The following CADPS variants were observed in gnomAD, a reference collection of about 807,000 sequenced individuals.
CADPS encodes calcium dependent secretion activator, also known as calcium-dependent secretion activator 1.
A neutral mutation model predicts 167.3 loss-of-function variants in CADPS; 57 were observed. That is an observed-to-expected ratio of 0.34 (90% confidence interval 0.28 to 0.42). The LOEUF (loss-of-function observed/expected upper bound fraction) is 0.42, where lower values mean the gene tolerates loss of function less well. Among genes scored for constraint, CADPS ranks in the 20% least tolerant of loss-of-function variants. The pLI, the probability that CADPS is intolerant of heterozygous loss-of-function variation, is 1.00. For synonymous variants in CADPS, 676 were observed against 635.3 expected, an observed-to-expected ratio of 1.06 and a Z score of -0.96; for missense variants, 1,414 against 1,738.1, an observed-to-expected ratio of 0.81 and a Z score of 3.32.
intron 1 of CADPS, among the ~76,000 whole-genome samples, chr3:62,830,047 T>A (rs539901930): frequency 6.6e-6 from 1 of 152,266 alleles, no homozygotes; most frequent in East Asian, 1.9e-4. Context: ...CAGTGGGTGA[T>A]TGGTTTCCAC....
At chr3:62,555,952 C>G (rs1156236134) in intron 10 of CADPS, among the ~76,000 whole-genome samples, 2 of 152,088 alleles carry the variant, frequency 1.3e-5, no homozygotes, top group African/African-American at 4.8e-5. Context: ...TGATGTCTGG[C>G]TTTGTTGCCC....
intron 6 of CADPS, among the ~76,000 whole-genome samples, chr3:62,618,284 G>A (rs1309982246): frequency 2.6e-5 from 4 of 152,022 alleles, no homozygotes; most frequent in Admixed American, 6.6e-5. Flanking sequence ...TAATGTCATC[G>A]TTTGAGCATC....
chr3:62,650,645 T>C (rs1432593882), intron 5 of CADPS, among the ~76,000 whole-genome samples: 1 of 152,226 alleles, frequency 6.6e-6, no homozygotes, highest in African/African-American at 2.4e-5. Context: ...TAGGTGGTTT[T>C]CAGATTGCAT....
At chr3:62,652,510 A>T (rs1452708577) in intron 4 of CADPS, among the ~76,000 whole-genome samples, 1 of 152,142 alleles carries the variant, frequency 6.6e-6, no homozygotes, top group African/African-American at 2.4e-5. Context: ...TACTCTGTCA[A>T]GCAGTTGAAC....
At chr3:62,599,697 T>C (rs2059480199) in intron 6 of CADPS, among the ~76,000 whole-genome samples, 1 of 47,734 alleles carries the variant, frequency 2.1e-5, no homozygotes, top group Non-Finnish European at 3.5e-5. Context: ...AATATTATAA[T>C]ATATATATTA....
chr3:62,519,994 A>G (rs536844362), intron 13 of CADPS, among the ~76,000 whole-genome samples: 2 of 152,330 alleles, frequency 1.3e-5, no homozygotes, highest in South Asian at 4.1e-4. Flanking sequence ...TTGTTTATGT[A>G]ATCAGCATGT....
intron 1 of CADPS, among the ~76,000 whole-genome samples, chr3:62,769,173 A>C (rs1236804723): frequency 6.6e-6 from 1 of 152,168 alleles, no homozygotes; most frequent in Non-Finnish European, 1.5e-5. Flanking sequence ...TGCAGAACTT[A>C]GCACAGGATG....
At chr3:62,437,645 G>A (rs1423519970) in intron 28 of CADPS, among the ~76,000 whole-genome samples, 3 of 152,132 alleles carry the variant, frequency 2.0e-5, no homozygotes, top group African/African-American at 7.2e-5. Context: ...AATTATCTTT[G>A]AAGTGATAAC....
At chr3:62,527,260 T>C (rs1352805684) in intron 13 of CADPS, among the ~76,000 whole-genome samples, 1 of 152,106 alleles carries the variant, frequency 6.6e-6, no homozygotes, top group Admixed American at 6.6e-5. Context: ...GGGAGTTTGG[T>C]TTAAAACAGG....
intron 18 of CADPS, 80 bp from the exon 19 acceptor site, chr3:62,493,745 G>T: frequency 8.7e-7 from 1 of 1,155,252 alleles, no homozygotes; most frequent in Non-Finnish European, 1.3e-6. Flanking sequence ...GACACCTGCT[G>T]TTTCCATTTT....
intron 8 of CADPS, among the ~76,000 whole-genome samples, chr3:62,579,793 G>C (rs557352791): frequency 6.9e-5 from 10 of 145,904 alleles, no homozygotes; most frequent in Non-Finnish European, 1.5e-4. Context: ...CATTCGAGTG[G>C]CAGGATCTGA....
chr3:62,680,763 T>C (rs1184862955), intron 3 of CADPS, among the ~76,000 whole-genome samples: 1 of 152,038 alleles, frequency 6.6e-6, no homozygotes, highest in Non-Finnish European at 1.5e-5. Flanking sequence ...AAAATGAAAG[T>C]ACCACCCAGA....
At chr3:62,498,943 T>G (rs952496897) in intron 18 of CADPS, among the ~76,000 whole-genome samples, 1 of 152,232 alleles carries the variant, frequency 6.6e-6, no homozygotes, top group Non-Finnish European at 1.5e-5. Context: ...TAGAAACATC[T>G]GAAAACTTAG....
At chr3:62,731,997 G>C (rs2077995352) in intron 3 of CADPS, among the ~76,000 whole-genome samples, 1 of 152,002 alleles carries the variant, frequency 6.6e-6, no homozygotes, top group Admixed American at 6.6e-5. Context: ...GTGCATTCAA[G>C]GGGGAAAGAA....
intron 1 of CADPS, among the ~76,000 whole-genome samples, chr3:62,767,725 T>C (rs1467831178): frequency 6.6e-6 from 1 of 152,146 alleles, no homozygotes; most frequent in East Asian, 1.9e-4. Flanking sequence ...AGACTCATAT[T>C]TGTTACATTC....
intron 9 of CADPS, among the ~76,000 whole-genome samples, chr3:62,558,970 C>G (rs550319556): frequency 6.6e-6 from 1 of 152,056 alleles, no homozygotes; most frequent in Admixed American, 6.5e-5. Context: ...GCTGAGGGTT[C>G]CATGGGCCTG....
chr3:62,550,272 C>T (rs1012136466), intron 10 of CADPS, among the ~76,000 whole-genome samples, 157 bp from the exon 11 acceptor site: 9 of 152,138 alleles, frequency 5.9e-5, no homozygotes, highest in Non-Finnish European at 1.2e-4. Context: ...CACTTGTCCA[C>T]AGAGTGGGAC....
At chr3:62,791,908 G>A (rs2092982150) in intron 1 of CADPS, among the ~76,000 whole-genome samples, 1 of 152,148 alleles carries the variant, frequency 6.6e-6, no homozygotes, top group African/African-American at 2.4e-5. Context: ...CTGGCATATA[G>A]CATGTACCCA....
At chr3:62,699,747 T>C (rs901843682) in intron 3 of CADPS, among the ~76,000 whole-genome samples, 1 of 152,052 alleles carries the variant, frequency 6.6e-6, no homozygotes, top group African/African-American at 2.4e-5. Context: ...TTTTGTATTT[T>C]TAGTAGAAAT....
Sources: gnomAD v4.1 joint callset for allele counts (sites outside exome capture counted in the v4.1 genomes callset) on GRCh38, gnomAD v4.1.1 for gene constraint, MANE v1.5 for transcripts, NCBI Gene and HGNC (gene_info 2026-07-23, HGNC 2026-07-21) for gene names.